The following FIG4 variants were observed in gnomAD, a reference collection of about 807,000 sequenced individuals.
FIG4 encodes the protein polyphosphoinositide phosphatase.
FIG4 carries 112 observed loss-of-function variants against 118.6 expected under a neutral mutation model. That is an observed-to-expected ratio of 0.94 (90% confidence interval 0.81 to 1.11). FIG4 has a LOEUF of 1.11. Ranked by LOEUF, FIG4 falls within the 50% of genes least tolerant of loss-of-function variation. FIG4 has a pLI of 0.00. For missense variants in FIG4, 969 were observed against 1,111.7 expected, an observed-to-expected ratio of 0.87 and a Z score of 1.83; for synonymous variants, 369 against 381.2, an observed-to-expected ratio of 0.97 and a Z score of 0.37.
chr6:109,770,180 G>A (rs1002082840), intron 15 of FIG4, among the ~76,000 whole-genome samples: 4 of 152,096 alleles, frequency 2.6e-5, no homozygotes, highest in Non-Finnish European at 5.9e-5. Flanking sequence ...TCAGATGTTA[G>A]GGAGAGCTTT....
intron 1 of FIG4, among the ~76,000 whole-genome samples, chr6:109,712,221 GATA>G (rs1467089203): frequency 1.3e-5 from 2 of 152,194 alleles, no homozygotes; most frequent in Non-Finnish European, 2.9e-5. Context: ...AGAATATGAT[GATA>G]ATGTGCCTTG....
At chr6:109,811,002 A>G (rs1411553713) in intron 22 of FIG4, among the ~76,000 whole-genome samples, 1 of 152,146 alleles carries the variant, frequency 6.6e-6, no homozygotes, top group Non-Finnish European at 1.5e-5. Context: ...CCCAGATAAG[A>G]TGCTTAGAAA....
intron 22 of FIG4, among the ~76,000 whole-genome samples, chr6:109,809,893 G>T (rs972049178): frequency 6.6e-6 from 1 of 152,142 alleles, no homozygotes; most frequent in African/African-American, 2.4e-5. Context: ...GGATTCAGGG[G>T]CTTCGTGTGA....
At chr6:109,776,612 G>A (rs182925318) in intron 15 of FIG4, among the ~76,000 whole-genome samples, 3 of 152,242 alleles carry the variant, frequency 2.0e-5, no homozygotes, top group Non-Finnish European at 2.9e-5. Context: ...AAATAAAATT[G>A]CTATCTAAGG....
chr6:109,792,925 A>G (rs1354462726), intron 21 of FIG4, among the ~76,000 whole-genome samples: 5 of 151,986 alleles, frequency 3.3e-5, no homozygotes, highest in African/African-American at 1.2e-4. Flanking sequence ...TCCTGAGCTC[A>G]GGCAATCCGC....
In FIG4 at chr6:109,716,196, A is replaced by C. The variant is rs576179572; in HGVS notation, c.166-249A>C. On this transcript the variant is annotated intron_variant, in intron 2 of 22. Coordinates refer to ENST00000230124, the MANE Select transcript of FIG4 (RefSeq NM_014845.6). ...ACCTGTAGATCCCTTAAATCTCTGC[A>C]TCTCTGGTTTAGAGTATAAGGTTTG... Among the ~76,000 whole-genome samples the C allele has an allele frequency of 5.9e-5, 9 of 152,314 alleles. No homozygotes were observed. The East Asian group carries it at 1.7e-3, about 29-fold the overall frequency.
chr6:109,727,968 G>A (rs1296028481), intron 4 of FIG4, among the ~76,000 whole-genome samples: 2 of 152,158 alleles, frequency 1.3e-5, no homozygotes, highest in African/African-American at 4.8e-5. Context: ...GTCGGATTCT[G>A]GGTTAAAAGT....
At chr6:109,752,435 A>G (rs1474356868) in intron 10 of FIG4, among the ~76,000 whole-genome samples, 1 of 151,674 alleles carries the variant, frequency 6.6e-6, no homozygotes, top group South Asian at 2.1e-4. Context: ...CAATGGTTGA[A>G]CTAGTTTACA....
chr6:109,711,273 G>T (rs1450801821), intron 1 of FIG4, among the ~76,000 whole-genome samples: 1 of 152,080 alleles, frequency 6.6e-6, no homozygotes, highest in African/African-American at 2.4e-5. Flanking sequence ...GTGGTGGCAG[G>T]CACCTGTATT....
intron 10 of FIG4, among the ~76,000 whole-genome samples, chr6:109,752,588 A>C (rs1040666495): frequency 6.6e-6 from 1 of 152,222 alleles, no homozygotes; most frequent in Middle Eastern, 3.2e-3. Context: ...TCTGATGACC[A>C]GTGATGATGA....
intron 21 of FIG4, among the ~76,000 whole-genome samples, chr6:109,794,733 G>A (rs927743774): frequency 6.6e-6 from 1 of 152,180 alleles, no homozygotes; most frequent in Non-Finnish European, 1.5e-5. Context: ...CTGCCACCCC[G>A]TTTCTGCACT....
chr6:109,806,294 A>G (rs1010279387), intron 22 of FIG4, among the ~76,000 whole-genome samples: 1 of 152,190 alleles, frequency 6.6e-6, no homozygotes, highest in African/African-American at 2.4e-5. Context: ...AACCTTGGAT[A>G]TGTTTCCCTG....
At chr6:109,764,588 G>A (rs927768863) in intron 13 of FIG4, among the ~76,000 whole-genome samples, 2 of 152,120 alleles carry the variant, frequency 1.3e-5, no homozygotes, top group African/African-American at 4.8e-5. Flanking sequence ...GACGCCAAGT[G>A]TATATACTAT....
intron 1 of FIG4, among the ~76,000 whole-genome samples, chr6:109,701,326 A>G (rs957409134): frequency 2.6e-5 from 4 of 152,190 alleles, no homozygotes; most frequent in African/African-American, 9.7e-5. Flanking sequence ...CGCAGCACTA[A>G]CAGTCATACA....
At chr6:109,778,505 G>C (rs908124789) in intron 16 of FIG4, among the ~76,000 whole-genome samples, 1 of 150,726 alleles carries the variant, frequency 6.6e-6, no homozygotes, top group African/African-American at 2.4e-5. Context: ...AAACACTACA[G>C]GAATCATTGC....
chr6:109,693,493 A>T (rs568900063), intron 1 of FIG4, among the ~76,000 whole-genome samples: 1 of 152,190 alleles, frequency 6.6e-6, no homozygotes, highest in African/African-American at 2.4e-5. Flanking sequence ...GACCCCTCTC[A>T]ACTGCCTAAG....
At chr6:109,718,020 C>T (rs1775486765) in intron 3 of FIG4, among the ~76,000 whole-genome samples, 1 of 152,168 alleles carries the variant, frequency 6.6e-6, no homozygotes, top group Non-Finnish European at 1.5e-5. Flanking sequence ...TTAATTGGCT[C>T]ATGGTTCTGC....
At chr6:109,783,736 C>T (rs1777874354) in intron 16 of FIG4, among the ~76,000 whole-genome samples, 1 of 152,232 alleles carries the variant, frequency 6.6e-6, no homozygotes, top group African/African-American at 2.4e-5. Flanking sequence ...TTTGGTTTTG[C>T]TCAGGAGTTT....
At chr6:109,693,983 A>ATGC (rs1774632438) in intron 1 of FIG4, among the ~76,000 whole-genome samples, 1 of 148,524 alleles carries the variant, frequency 6.7e-6, no homozygotes, top group Admixed American at 6.7e-5. Context: ...AGGCAACTGG[A>ATGC]TAAATGCTAT....
Sources: gnomAD v4.1 joint callset for allele counts (sites outside exome capture counted in the v4.1 genomes callset) on GRCh38, gnomAD v4.1.1 for gene constraint, MANE v1.5 for transcripts, NCBI Gene and HGNC (gene_info 2026-07-23, HGNC 2026-07-21) for gene names.